SAMD3: variants seen among roughly 807,000 people sequenced by gnomAD.
SAMD3 encodes sterile alpha motif domain containing 3, also known as sterile alpha motif domain-containing protein 3.
SAMD3 carries 63 observed loss-of-function variants against 58.5 expected under a neutral mutation model. That is an observed-to-expected ratio of 1.08 (90% CI 0.88 to 1.33). The LOEUF is 1.33. SAMD3 is among the 40% of genes most tolerant of loss of function. The pLI is 0.00. For missense variants in SAMD3, 604 were observed against 608.4 expected (o/e 0.99, Z 0.08); for synonymous variants, 220 against 210.3 (o/e 1.05, Z -0.40).
chr6:130,179,538 T>C (rs1792066649), intron 7 of SAMD3, among the ~76,000 whole-genome samples: 1 of 149,956 alleles, frequency 6.7e-6, no homozygotes, highest in Non-Finnish European at 1.5e-5. Context: ...ACATGGCAAC[T>C]GGACTAGACT....
chr6:130,357,523 C>T (rs867999979), intron 1 of SAMD3, among the ~76,000 whole-genome samples: 1 of 152,148 alleles, frequency 6.6e-6, no homozygotes, highest in Non-Finnish European at 1.5e-5. Flanking sequence ...CTTGCAGTAG[C>T]CCCTGGCAAA....
At chr6:130,348,697 G>C (rs1483038414) in intron 1 of SAMD3, among the ~76,000 whole-genome samples, 2 of 152,112 alleles carry the variant, frequency 1.3e-5, no homozygotes, top group East Asian at 3.8e-4. Flanking sequence ...AGGATATCCA[G>C]GAACTGAACT....
chr6:130,349,454 A>G (rs1372334108), intron 1 of SAMD3, among the ~76,000 whole-genome samples: 3 of 152,270 alleles, frequency 2.0e-5, no homozygotes, highest in Admixed American at 6.5e-5. Flanking sequence ...AAAGACCTCT[A>G]TGCAAATAAA....
chr6:130,273,721 TC>T (rs1276919081), intron 2 of SAMD3, among the ~76,000 whole-genome samples: 2 of 152,100 alleles, frequency 1.3e-5, no homozygotes, highest in Non-Finnish European at 2.9e-5. Flanking sequence ...ACTAAAACCA[TC>T]CATTTTAAGC....
At chr6:130,218,225 C>T (rs1476453079) in intron 1 of SAMD3, among the ~76,000 whole-genome samples, 1 of 152,178 alleles carries the variant, frequency 6.6e-6, no homozygotes, top group Non-Finnish European at 1.5e-5. Context: ...GAGCGAGGGT[C>T]CTGCTAGTAT....
chr6:130,360,608 C>A (rs1254022647), intron 1 of SAMD3, among the ~76,000 whole-genome samples: 2 of 152,154 alleles, frequency 1.3e-5, no homozygotes, highest in East Asian at 3.8e-4. Context: ...AGGACCGGGG[C>A]AAAATTAAAA....
At chr6:130,172,142 A>G (rs2114654981) in intron 8 of SAMD3, among the ~76,000 whole-genome samples, 1 of 152,236 alleles carries the variant, frequency 6.6e-6, no homozygotes, top group South Asian at 2.1e-4. Flanking sequence ...CAGCACACTG[A>G]TGGGTCTTGA....
intron 9 of SAMD3, among the ~76,000 whole-genome samples, chr6:130,153,457 T>A (rs1299701093): frequency 6.6e-6 from 1 of 151,930 alleles, no homozygotes; most frequent in African/African-American, 2.4e-5. Context: ...AATATGTAGA[T>A]GTTTCATGTT....
At chr6:130,337,462 G>C (rs541559234) in intron 1 of SAMD3, among the ~76,000 whole-genome samples, 6 of 152,224 alleles carry the variant, frequency 3.9e-5, no homozygotes, top group African/African-American at 1.4e-4. Context: ...TGTGAGAATG[G>C]ACTACTATAG....
intron 2 of SAMD3, among the ~76,000 whole-genome samples, chr6:130,243,969 T>C (rs1429456870): frequency 6.6e-6 from 1 of 152,198 alleles, no homozygotes; most frequent in East Asian, 1.9e-4. Context: ...TGAGCCTAGA[T>C]AAAAGAGTAG....
Position 130,310,140 on chromosome 6 carries a change from A to C in SAMD3, c.-188+2838T>G, listed in dbSNP as rs1281696428. On this transcript the variant is annotated intron_variant, in intron 2 of 13. Transcript: ENST00000368134. ...TTACCTTAGAGAATAATATTCTCCCAGAATTTTCTGGCATGCCTATCCATT... is the reference window on the plus strand; with the variant it reads ...TTACCTTAGAGAATAATATTCTCCCCGAATTTTCTGGCATGCCTATCCATT... Among the ~76,000 whole-genome samples the C allele has an allele frequency of 6.6e-5, 10 of 152,354 alleles. 1 individual carries two copies. Among genetic ancestry groups the C allele is most frequent in the Admixed American group, 6.5e-4 (10 of 15,312 alleles).
At chr6:130,156,531 A>C (rs1017466611) in intron 8 of SAMD3, among the ~76,000 whole-genome samples, 2 of 152,202 alleles carry the variant, frequency 1.3e-5, no homozygotes, top group African/African-American at 4.8e-5. Flanking sequence ...TGACATTGGT[A>C]AGGGAACTAT....
chr6:130,177,165 C>T (rs948971423), intron 7 of SAMD3, among the ~76,000 whole-genome samples: 4 of 152,156 alleles, frequency 2.6e-5, no homozygotes, highest in Admixed American at 6.5e-5. Context: ...TTTGAGGTCA[C>T]GGGTAAGCTG....
chr6:130,358,007 C>T (rs981849237), intron 1 of SAMD3, among the ~76,000 whole-genome samples: 2 of 152,178 alleles, frequency 1.3e-5, no homozygotes, highest in Non-Finnish European at 2.9e-5. Context: ...AGGTATAAGA[C>T]TAGTGAGTAG....
chr6:130,144,701 T>G lies in SAMD3; in HGVS notation c.1382A>C (p.Asp461Ala), dbSNP rs901421604. 3.7e-6 allele frequency: 6 copies of G among 1,614,042 alleles called. No individual in the cohort carries two copies. The highest frequency in any genetic ancestry group is 4.2e-6 in the Non-Finnish European group (5 of 1,179,990). The part of the protein sequence containing the change: ...LERERLTKVD[D>A]CVTALAALVA... ...TAGCGCAGCCAAGGCTGTAACACAG[T>G]CGTCCACCTTTGTGAGCCTCTCCCT... is the stretch of plus-strand genomic sequence containing the variant. Residue 461 changes from aspartate to alanine, a missense_variant, in exon 12 of 12, where the codon GAC becomes GCC. Asp to Ala is a moderately radical substitution (Grantham distance 126). Transcript: ENST00000439090.
chr6:130,355,178 C>T (rs1197128026), intron 1 of SAMD3, among the ~76,000 whole-genome samples: 1 of 152,192 alleles, frequency 6.6e-6, no homozygotes, highest in Non-Finnish European at 1.5e-5. Context: ...GATCCTAGCA[C>T]TTTGGGAGGC....
chr6:130,325,662 T>G (rs1300279729), intron 1 of SAMD3, among the ~76,000 whole-genome samples: 1 of 152,250 alleles, frequency 6.6e-6, no homozygotes, highest in Non-Finnish European at 1.5e-5. Context: ...GGATATCCCT[T>G]AAGCCAGTCA....
At chr6:130,266,809 C>A (rs12193763) in intron 2 of SAMD3, among the ~76,000 whole-genome samples, 2 of 151,748 alleles carry the variant, frequency 1.3e-5, no homozygotes, top group African/African-American at 4.8e-5. Context: ...ATGCTTCTTG[C>A]GAAAAGCGAA....
At chr6:130,268,071 G>A (rs1371406192) in intron 2 of SAMD3, among the ~76,000 whole-genome samples, 7 of 152,120 alleles carry the variant, frequency 4.6e-5, no homozygotes, top group East Asian at 1.9e-4. Context: ...CATAACTCAC[G>A]TTTGTGGTGA....
Sources: allele counts gnomAD v4.1 joint callset (sites outside exome capture counted in the v4.1 genomes callset), GRCh38; gene constraint gnomAD v4.1.1; transcripts MANE v1.5; gene names NCBI Gene and HGNC (gene_info 2026-07-23, HGNC 2026-07-21).